CLPB: variants seen among roughly 807,000 people sequenced by gnomAD.
CLPB encodes the protein ClpB family mitochondrial disaggregase, also known as mitochondrial disaggregase.
A neutral mutation model predicts 78.4 loss-of-function variants in CLPB; 40 were observed. The ratio of observed to expected loss-of-function variants is 0.51; its 90% confidence interval spans 0.40 to 0.66. CLPB has a LOEUF of 0.66. Ranked by LOEUF, CLPB falls within the 30% of genes least tolerant of loss-of-function variation. The probability of loss-of-function intolerance (pLI) is 0.00; values close to 1 mark genes in which losing one functional copy is unlikely to be tolerated. For missense variants in CLPB, 780 were observed against 886.9 expected (o/e 0.88, Z 1.53); for synonymous variants, 333 against 348.0 (o/e 0.96, Z 0.48).
intron 3 of CLPB, among the ~76,000 whole-genome samples, chr11:72,397,003 T>C (rs1855426307): frequency 6.6e-6 from 1 of 152,248 alleles, no homozygotes; most frequent in African/African-American, 2.4e-5. Context: ...TATACATTCA[T>C]GTAACCAGCA....
intron 3 of CLPB, among the ~76,000 whole-genome samples, chr11:72,392,250 A>G (rs1357175029): frequency 6.6e-6 from 1 of 152,042 alleles, no homozygotes; most frequent in Middle Eastern, 3.2e-3. Flanking sequence ...ACGGGTCCCA[A>G]GGAGAAGACA....
Position 72,358,911 on chromosome 11 carries a change from G to A in CLPB, c.744C>T (p.Asp248=). Reference sequence around the variant, plus strand: ...CAAGCAGCTCCTTGACAGTGCGGTAGTCATCAGCAAGAACAGCATAGTGCA... The same window carrying A: ...CAAGCAGCTCCTTGACAGTGCGGTAATCATCAGCAAGAACAGCATAGTGCA... ...TALHYAVLAD[D]YRTVKELLDG... is the part of the protein sequence containing the mutation. Residue 248 remains aspartate (D), a synonymous_variant, in exon 5 of 16, where the codon GAC becomes GAT. Coordinates refer to ENST00000538039, the MANE Select transcript of CLPB (RefSeq NM_001258392.3). The A allele has an allele frequency of 6.2e-7, 1 of 1,610,894 alleles. No homozygotes were observed. The highest frequency in any genetic ancestry group is 8.5e-7 in the Non-Finnish European group (1 of 1,179,148).
chr11:72,323,565 C>CAA lies in CLPB; in HGVS notation c.873+6140_873+6141dup, dbSNP rs371241451. On this transcript the variant is annotated intron_variant, in intron 6 of 15. Coordinates refer to ENST00000538039, the MANE Select transcript of CLPB (RefSeq NM_001258392.3). ...CTGGTGACAGAGCGAGACTCCATCT[C>CAA]AAAAAAAAAAAAAAAAAAGTCAAGG... Among the ~76,000 whole-genome samples the CAA allele has an allele frequency of 1.7e-3, 114 of 68,748 alleles. 1 individual carries two copies. The highest frequency in any genetic ancestry group is 8.2e-3 in the Middle Eastern group (1 of 122). 45.1% of individuals were successfully genotyped at this position (68,748 alleles called of 152,430 possible).
intron 4 of CLPB, among the ~76,000 whole-genome samples, chr11:72,364,348 C>T (rs1950900414): frequency 6.6e-6 from 1 of 152,046 alleles, no homozygotes; most frequent in South Asian, 2.1e-4. Flanking sequence ...GCTGGGATTA[C>T]ATGCACGCGC....
At chr11:72,357,390 T>C (rs1950738324) in intron 5 of CLPB, among the ~76,000 whole-genome samples, 1 of 152,110 alleles carries the variant, frequency 6.6e-6, no homozygotes, top group African/African-American at 2.4e-5. Context: ...GCATAAGTTA[T>C]AGAGAAGACC....
At chr11:72,360,628 G>A (rs1243519897) in intron 4 of CLPB, among the ~76,000 whole-genome samples, 2 of 151,970 alleles carry the variant, frequency 1.3e-5, no homozygotes, top group African/African-American at 4.8e-5. Context: ...GTAGAGATGG[G>A]GTTTCACCAT....
intron 4 of CLPB, among the ~76,000 whole-genome samples, chr11:72,379,126 A>C (rs753557417): frequency 6.6e-6 from 1 of 152,176 alleles, no homozygotes; most frequent in African/African-American, 2.4e-5. Context: ...GGCAGCAACA[A>C]CACCGCTACT....
At chr11:72,427,617 T>C (rs1186662908) in intron 2 of CLPB, among the ~76,000 whole-genome samples, 2 of 152,232 alleles carry the variant, frequency 1.3e-5, no homozygotes, top group Non-Finnish European at 2.9e-5. Flanking sequence ...CTTACCATTA[T>C]GTTACAATTG....
intron 4 of CLPB, among the ~76,000 whole-genome samples, chr11:72,367,998 T>C (rs1165493519): frequency 6.6e-6 from 1 of 152,200 alleles, no homozygotes; most frequent in Non-Finnish European, 1.5e-5. Flanking sequence ...TGTAAGAAGA[T>C]AAGCATATTG....
At chr11:72,389,392 G>C (rs1855179091) in intron 3 of CLPB, among the ~76,000 whole-genome samples, 1 of 152,200 alleles carries the variant, frequency 6.6e-6, no homozygotes, top group Non-Finnish European at 1.5e-5. Context: ...CTTCTCCTTT[G>C]TTCTGATGCT....
intron 4 of CLPB, 54 bp downstream of exon 4, chr11:72,380,227 G>T: frequency 7.5e-7 from 1 of 1,334,870 alleles, no homozygotes; most frequent in Non-Finnish European, 1.1e-6. Flanking sequence ...GAGCAAGGCT[G>T]CATGAAAGCC....
At chr11:72,420,708 T>G (rs1338312826) in intron 2 of CLPB, among the ~76,000 whole-genome samples, 1 of 152,086 alleles carries the variant, frequency 6.6e-6, no homozygotes. Context: ...GATACTGGTG[T>G]TGTAGGAGTT....
At chr11:72,337,489 A>G (rs917953294) in intron 5 of CLPB, among the ~76,000 whole-genome samples, 4 of 152,364 alleles carry the variant, frequency 2.6e-5, no homozygotes, top group East Asian at 1.9e-4. Context: ...TTTTTTGGGT[A>G]TAATGCCTTT....
chr11:72,321,664 G>A (rs1023520005), intron 6 of CLPB, among the ~76,000 whole-genome samples: 3 of 152,212 alleles, frequency 2.0e-5, no homozygotes, highest in African/African-American at 7.2e-5. Context: ...GAATCTGCCA[G>A]TGTGTTCACT....
Position 72,293,208 on chromosome 11 carries a change from T to G in CLPB, c.*159A>C. Reference sequence around the variant, plus strand: ...AGGGCGAAATTCCTCCTTCAGGTTTTGGGGCTGAGAAGGGGTCTTCATGGG... The same window carrying G: ...AGGGCGAAATTCCTCCTTCAGGTTTGGGGGCTGAGAAGGGGTCTTCATGGG... On this transcript the variant is annotated 3_prime_UTR_variant, in exon 16 of 16. Coordinates refer to ENST00000538039, the MANE Select transcript of CLPB (RefSeq NM_001258392.3). 2 of 870,840 alleles carry G rather than the reference T, an allele frequency of 2.3e-6. No homozygotes were observed. Among genetic ancestry groups the G allele is most frequent in the Non-Finnish European group, 3.5e-6 (2 of 576,182 alleles). 53.9% of individuals were successfully genotyped at this position (870,840 alleles called of 1,614,324 possible).
rs755016071 is a variant in CLPB at position 72,402,921 on chromosome 11, C to T, written c.542+45G>A. The T allele has an allele frequency of 2.0e-6, 3 of 1,536,228 alleles. No individual in the cohort carries two copies. The East Asian group carries it at 6.7e-5, about 35-fold the overall frequency. On this transcript the variant is annotated intron_variant, in intron 3 of 15. Transcript: ENST00000538039. ...GGAGAGTGCTCAGGAGCACAGTCTG[C>T]AGAGATCTGCCTAAAGGAGCCCTGT...
At chr11:72,402,802 A>T (rs1002883094) in intron 3 of CLPB, among the ~76,000 whole-genome samples, 164 bp downstream of exon 3, 1 of 152,262 alleles carries the variant, frequency 6.6e-6, no homozygotes, top group African/African-American at 2.4e-5. Context: ...GTCCACAGCT[A>T]CTATACAGTC....
chr11:72,394,489 ACAGAACC>A (rs1405394278), intron 3 of CLPB, among the ~76,000 whole-genome samples: 1 of 152,062 alleles, frequency 6.6e-6, no homozygotes, highest in East Asian at 1.9e-4. Flanking sequence ...AGCACTGAAC[ACAGAACC>A]CCAGGACAGA....
intron 9 of CLPB, among the ~76,000 whole-genome samples, chr11:72,304,556 G>A (rs1367699678): frequency 1.3e-5 from 2 of 152,198 alleles, no homozygotes; most frequent in African/African-American, 4.8e-5. Context: ...ATTAGCTCTA[G>A]TAAGGAAAGT....
Sources: gnomAD v4.1 joint callset for allele counts (sites outside exome capture counted in the v4.1 genomes callset) on GRCh38, gnomAD v4.1.1 for gene constraint, MANE v1.5 for transcripts, NCBI Gene and HGNC (gene_info 2026-07-23, HGNC 2026-07-21) for gene names.